Variants in EFCAB5 observed in about 807,000 individuals in gnomAD.
The protein encoded by EFCAB5 is EF-hand calcium-binding domain-containing protein 5.
EFCAB5 carries 131 observed loss-of-function variants against 167.9 expected under a neutral mutation model. The observed-to-expected ratio is 0.78, with a 90% CI of 0.68 to 0.90. The LOEUF is 0.90. Among genes scored for constraint, EFCAB5 ranks in the 40% least tolerant of loss-of-function variants. The pLI, the probability that EFCAB5 is intolerant of heterozygous loss-of-function variation, is 0.00. For synonymous variants in EFCAB5, 574 were observed against 602.8 expected, an observed-to-expected ratio of 0.95 and a Z score of 0.70; for missense variants, 1,663 against 1,745.2, an observed-to-expected ratio of 0.95 and a Z score of 0.84.
At chr17:30,040,451 G>C (rs1041929267) in intron 8 of EFCAB5, among the ~76,000 whole-genome samples, 6 of 152,174 alleles carry the variant, frequency 3.9e-5, no homozygotes, top group African/African-American at 1.4e-4. Context: ...CAAATAATTA[G>C]AGTGGTACTT....
At chr17:30,033,462 T>TA (rs2069535433) in intron 7 of EFCAB5, among the ~76,000 whole-genome samples, 1 of 152,184 alleles carries the variant, frequency 6.6e-6, no homozygotes, top group Admixed American at 6.5e-5. Flanking sequence ...TTCTATCTCT[T>TA]AAAGTGTAGA....
At chr17:30,062,295 C>T (rs894305414) in intron 14 of EFCAB5, among the ~76,000 whole-genome samples, 2 of 152,054 alleles carry the variant, frequency 1.3e-5, no homozygotes, top group African/African-American at 4.8e-5. Flanking sequence ...TCCTGGTGAG[C>T]CCAGAAACTC....
chr17:30,019,453 T>C (rs1052660637), intron 7 of EFCAB5, among the ~76,000 whole-genome samples: 1 of 151,636 alleles, frequency 6.6e-6, no homozygotes, highest in Non-Finnish European at 1.5e-5. Context: ...CTCTCTTTTT[T>C]TTTTTTTTTG....
chr17:29,946,014 G>A (rs1256490423), intron 3 of EFCAB5, among the ~76,000 whole-genome samples: 1 of 152,108 alleles, frequency 6.6e-6, no homozygotes, highest in Non-Finnish European at 1.5e-5. Context: ...AAAAGCTTCT[G>A]TACAGCAAAA....
Position 30,108,195 on chromosome 17 carries a change from T to G in EFCAB5, c.*171T>G. 5 of 683,902 alleles carry G rather than the reference T, an allele frequency of 7.3e-6. No homozygotes were observed. The South Asian group carries it at 1.1e-4, about 16-fold the overall frequency. 42.4% of individuals were successfully genotyped at this position (683,902 alleles called of 1,614,324 possible). A position where few individuals can be genotyped will look rare whatever the true frequency, so the allele number is the denominator to read the frequency against. ...CCAAAAGTGCTACCTAAGAAGAAAT[T>G]TAGCCAAAAAATACCCAGCTAAGGT... On this transcript the variant is annotated 3_prime_UTR_variant, in exon 23 of 23. Coordinates refer to ENST00000394835, the MANE Select transcript of EFCAB5 (RefSeq NM_198529.4).
intron 14 of EFCAB5, chr17:30,068,664 C>A: frequency 6.5e-7 from 1 of 1,547,840 alleles, no homozygotes; most frequent in Non-Finnish European, 8.7e-7. Flanking sequence ...TCCGGGCCAG[C>A]GTCAAGACCG....
At chr17:29,953,291 A>C (rs1195849763) in intron 3 of EFCAB5, among the ~76,000 whole-genome samples, 2 of 152,030 alleles carry the variant, frequency 1.3e-5, no homozygotes, top group East Asian at 1.9e-4. Context: ...CAATTGCCAC[A>C]AAAAAAATAA....
At chr17:30,041,656 G>A (rs1205970815) in intron 8 of EFCAB5, among the ~76,000 whole-genome samples, 1 of 152,218 alleles carries the variant, frequency 6.6e-6, no homozygotes, top group African/African-American at 2.4e-5. Context: ...TTCTACTGTA[G>A]ATAAAATGCT....
Position 30,080,135 on chromosome 17 carries a change from C to T in EFCAB5, c.3091C>T (p.Leu1031=), listed in dbSNP as rs770289279. 6.8e-6 allele frequency: 11 copies of T among 1,613,740 alleles called. No homozygotes were observed. The East Asian group carries it at 2.2e-4, about 33-fold the overall frequency. Residue 1031 remains leucine, a synonymous_variant, in exon 16 of 23, where the codon CTA becomes TTA. Coordinates refer to ENST00000394835, the MANE Select transcript of EFCAB5 (RefSeq NM_198529.4). ...CATTTCCCTCTTAGAAGAAAACCTA[C>T]TACTGCCTGAGAAAGGGAATGTTCT... is the stretch of plus-strand genomic sequence containing the variant. The part of the protein sequence containing the change: ...AHISLLEENL[L]LPEKGNVLLR...
intron 7 of EFCAB5, among the ~76,000 whole-genome samples, chr17:30,022,554 C>T (rs2069206807): frequency 6.6e-6 from 1 of 152,062 alleles, no homozygotes; most frequent in Non-Finnish European, 1.5e-5. Flanking sequence ...GAGACTTCAG[C>T]AGGGTGGGTT....
intron 22 of EFCAB5, among the ~76,000 whole-genome samples, chr17:30,094,872 T>C (rs1597569312): frequency 6.6e-6 from 1 of 152,214 alleles, no homozygotes; most frequent in African/African-American, 2.4e-5. Context: ...GGGGACCCTC[T>C]GACTCCAGTG....
Position 29,996,302 on chromosome 17 carries a change from T to G in EFCAB5, c.925-10T>G. 1 of 1,548,742 alleles carries G rather than the reference T, an allele frequency of 6.5e-7. No homozygotes were observed. Among genetic ancestry groups the G allele is most frequent in the Non-Finnish European group, 8.7e-7 (1 of 1,145,926 alleles). On this transcript the variant is annotated splice_polypyrimidine_tract_variant and intron_variant, in intron 5 of 22. Coordinates refer to ENST00000394835, the MANE Select transcript of EFCAB5 (RefSeq NM_198529.4). ...TGGTTTCTTTCTTTTTTTCCTCTTT[T>G]GAGTTGCAGATTCAGAATGTTCTTC...
intron 8 of EFCAB5, among the ~76,000 whole-genome samples, chr17:30,047,111 G>C (rs1454860851): frequency 6.6e-6 from 1 of 152,018 alleles, no homozygotes; most frequent in Non-Finnish European, 1.5e-5. Context: ...TTGATATCTG[G>C]GAATAGTTTT....
chr17:29,936,032 A>AAGC (rs1474332283), intron 1 of EFCAB5, among the ~76,000 whole-genome samples: 1 of 152,226 alleles, frequency 6.6e-6, no homozygotes, highest in African/African-American at 2.4e-5. Context: ...CAGGATGAAG[A>AAGC]AGCATTACTA....
At chr17:29,935,351 G>T (rs542354834) in intron 1 of EFCAB5, among the ~76,000 whole-genome samples, 119 of 152,214 alleles carry the variant, frequency 7.8e-4, no homozygotes, top group African/African-American at 2.8e-3. Context: ...ATAAGGCTAG[G>T]AATTTGAGAG....
chr17:30,078,406 G>A lies in EFCAB5; in HGVS notation c.2929G>A (p.Ala977Thr), dbSNP rs766734045. ...RSHIESLRNS[A>T]RRKWLHQIQC... ...CCACATTGAGAGTCTGAGGAATTCT[G>A]CCAGGCGGAAATGGCTGCACCAAAT... is the stretch of plus-strand genomic sequence containing the variant. Residue 977 changes from alanine (A) to threonine (T), a missense_variant, in exon 15 of 23, where the codon GCC becomes ACC. Transcript: ENST00000394835. 6.2e-7 allele frequency: 1 copy of A among 1,613,990 alleles called. No homozygotes were observed. Among genetic ancestry groups the A allele is most frequent in the South Asian group, 1.1e-5 (1 of 91,084 alleles).
At position 30,097,061 on chromosome 17, in the gene EFCAB5, T is replaced by TA. The variant is rs200670086; in HGVS notation, c.4321+4125_4321+4126insA. On this transcript the variant is annotated intron_variant, in intron 22 of 22. Coordinates refer to ENST00000394835, the MANE Select transcript of EFCAB5 (RefSeq NM_198529.4). ...ACATATACATATACATATATATATA[T>TA]TTTTTTTTTTTTGAGATGGAGTTTC... 6.6e-3 allele frequency among the ~76,000 whole-genome samples: 340 copies of TA among 51,146 alleles called. 4 individuals are homozygous for TA. Among genetic ancestry groups the TA allele is most frequent in the African/African-American group, 0.037 (261 of 7,084 alleles). 33.6% of individuals were successfully genotyped at this position (51,146 alleles called of 152,430 possible). A position where few individuals can be genotyped will look rare whatever the true frequency, so the allele number is the denominator to read the frequency against.
At chr17:30,060,777 A>G (rs1443247420) in intron 14 of EFCAB5, among the ~76,000 whole-genome samples, 1 of 152,218 alleles carries the variant, frequency 6.6e-6, no homozygotes. Flanking sequence ...TAATGATGTG[A>G]TTTTCACTTA....
At chr17:30,068,004 T>G (rs560759682) in intron 14 of EFCAB5, among the ~76,000 whole-genome samples, 10 of 152,202 alleles carry the variant, frequency 6.6e-5, no homozygotes, top group African/African-American at 2.2e-4. Flanking sequence ...GGATACAAAA[T>G]CAACATATAA....
Sources: gnomAD v4.1 joint callset for allele counts (sites outside exome capture counted in the v4.1 genomes callset) on GRCh38, gnomAD v4.1.1 for gene constraint, MANE v1.5 for transcripts, NCBI Gene and HGNC (gene_info 2026-07-23, HGNC 2026-07-21) for gene names.